NCOA7: variants seen among roughly 807,000 people sequenced by gnomAD.
The protein encoded by NCOA7 is 140 kDa estrogen receptor-associated protein.
Under a neutral mutation model 104.3 loss-of-function variants are expected in NCOA7, and 45 were observed. The ratio of observed to expected loss-of-function variants is 0.43; its 90% confidence interval spans 0.34 to 0.55. The LOEUF (loss-of-function observed/expected upper bound fraction) is 0.55. Ranked by LOEUF, NCOA7 falls within the 20% of genes least tolerant of loss-of-function variation. NCOA7 has a pLI of 0.02. For missense variants in NCOA7, 1,041 were observed against 1,119.7 expected, an observed-to-expected ratio of 0.93 and a Z score of 1.00; for synonymous variants, 398 against 402.3, an observed-to-expected ratio of 0.99 and a Z score of 0.13.
chr6:125,824,899 T>C (rs1778524445), intron 2 of NCOA7, among the ~76,000 whole-genome samples: 1 of 152,052 alleles, frequency 6.6e-6, no homozygotes, highest in Non-Finnish European at 1.5e-5. Flanking sequence ...GCTGGGACTA[T>C]AGGCACCTGC....
At chr6:125,790,840 G>C (rs947820299), upstream of NCOA7, 2 of 152,306 alleles carry the variant, frequency 1.3e-5, no homozygotes, top group Non-Finnish European at 2.9e-5. Flanking sequence ...CCCGACTGCG[G>C]CGGCTGCGCA....
rs1784515420 is a variant in NCOA7, at chr6:125,889,967, A to T, written c.1913A>T (p.Gln638Leu). ...CAGTTGTGGCTGTTAAAGAGAATTC[A>T]GGTACCCATTGAAGGTAAGCTGTTT... ...EVQLWLLKRI[Q>L]VPIEDILPSK... The change falls in exon 9 of 16, where the codon CAG (glutamine) becomes CTG (leucine). Residue 638 changes from glutamine to leucine, a missense_variant. Physicochemically the swap from Gln to Leu is moderately radical, Grantham distance 113. This residue lies in a region of NCOA7 where 914 missense variants were observed against 942.7 expected (regional missense o/e 0.97). Transcript: ENST00000392477. The T allele has an allele frequency of 6.5e-7, 1 of 1,533,500 alleles. No homozygotes were observed. Among genetic ancestry groups the T allele is most frequent in the African/African-American group, 1.4e-5 (1 of 71,990 alleles). 95.0% of individuals were successfully genotyped at this position (1,533,500 alleles called of 1,614,324 possible).
intron 3 of NCOA7, among the ~76,000 whole-genome samples, chr6:125,872,143 T>C (rs1166047675): frequency 6.6e-6 from 1 of 152,204 alleles, no homozygotes; most frequent in East Asian, 1.9e-4. Context: ...TTAGTAATAT[T>C]ACATGCTTGA....
At chr6:125,927,903 C>G (rs1788176693) in intron 14 of NCOA7, 145 bp downstream of exon 14, 1 of 750,052 alleles carries the variant, frequency 1.3e-6, no homozygotes, top group Admixed American at 2.3e-5. Flanking sequence ...CTGTAGCTCG[C>G]AAACTGCTTA....
chr6:125,914,926 A>G (rs1786920213), intron 10 of NCOA7, among the ~76,000 whole-genome samples: 1 of 152,246 alleles, frequency 6.6e-6, no homozygotes, highest in Non-Finnish European at 1.5e-5. Context: ...TTTGATCTAC[A>G]TAAAGACCCG....
Position 125,793,575 on chromosome 6 carries a change from C to G in NCOA7, c.-65+2508C>G, listed in dbSNP as rs540397745. On this transcript the variant is annotated intron_variant, in intron 1 of 15. Coordinates refer to ENST00000392477, the MANE Select transcript of NCOA7 (RefSeq NM_181782.5). The stretch of plus-strand genomic sequence containing the variant: ...TCCTGATCCCCCAGCACTCCGCCCC[C>G]ACAAGCACCACCAGAATGCAATCCA... Among the ~76,000 whole-genome samples the G allele has an allele frequency of 3.1e-4, 47 of 152,294 alleles. No homozygotes were observed. In the East Asian group the frequency reaches 5.8e-3, roughly 19 times the overall value.
intron 7 of NCOA7, among the ~76,000 whole-genome samples, chr6:125,884,599 T>C (rs1784113897): frequency 6.6e-6 from 1 of 152,210 alleles, no homozygotes; most frequent in Non-Finnish European, 1.5e-5. Flanking sequence ...CTATATTCAC[T>C]CTGGCTACAA....
chr6:125,809,692 G>A (rs1159827870), intron 1 of NCOA7, among the ~76,000 whole-genome samples: 1 of 152,180 alleles, frequency 6.6e-6, no homozygotes, highest in East Asian at 1.9e-4. Flanking sequence ...GGAAATGCCT[G>A]CATAGAAAGG....
At chr6:125,856,070 T>C (rs1209337102) in intron 3 of NCOA7, among the ~76,000 whole-genome samples, 1 of 152,152 alleles carries the variant, frequency 6.6e-6, no homozygotes, top group East Asian at 1.9e-4. Context: ...TTCTATCACA[T>C]GCATACATGG....
At chr6:125,849,672 A>G (rs915306417) in intron 2 of NCOA7, among the ~76,000 whole-genome samples, 5 of 152,244 alleles carry the variant, frequency 3.3e-5, no homozygotes, top group African/African-American at 7.2e-5. Context: ...GAGATTATGA[A>G]GAGAAGGTAA....
chr6:125,915,124 A>T (rs1786939697), intron 10 of NCOA7, among the ~76,000 whole-genome samples: 2 of 152,206 alleles, frequency 1.3e-5, no homozygotes, highest in Admixed American at 1.3e-4. Flanking sequence ...CAGTTTTAAC[A>T]GTTTCGCAGT....
chr6:125,893,930 C>T (rs1490325994), intron 10 of NCOA7, among the ~76,000 whole-genome samples: 2 of 152,170 alleles, frequency 1.3e-5, no homozygotes, highest in Admixed American at 6.5e-5. Context: ...GTCTCCAGTG[C>T]AGCTTGCAAA....
At chr6:125,875,001 T>A (rs1294223666) in intron 4 of NCOA7, 33 bp downstream of exon 4, 2 of 1,455,086 alleles carry the variant, frequency 1.4e-6, no homozygotes, top group East Asian at 4.5e-5. Context: ...AAATGTTTGT[T>A]AATAGCACTA....
At chr6:125,916,838 T>C (rs1787129696) in intron 11 of NCOA7, among the ~76,000 whole-genome samples, 1 of 152,244 alleles carries the variant, frequency 6.6e-6, no homozygotes, top group Non-Finnish European at 1.5e-5. Flanking sequence ...TCTGTGTCCA[T>C]GTATAAGTGG....
intron 1 of NCOA7, among the ~76,000 whole-genome samples, chr6:125,783,302 C>T (rs1164743382): frequency 6.6e-6 from 1 of 152,182 alleles, no homozygotes; most frequent in East Asian, 1.9e-4. Flanking sequence ...TTGGAAAAAG[C>T]AAATATCAAT....
intron 3 of NCOA7, among the ~76,000 whole-genome samples, chr6:125,870,621 A>G (rs1408927473): frequency 2.0e-5 from 3 of 152,144 alleles, no homozygotes; most frequent in Admixed American, 2.0e-4. Flanking sequence ...ACTACAAGGG[A>G]TATCTTCACA....
intron 1 of NCOA7, among the ~76,000 whole-genome samples, chr6:125,791,521 T>G (rs1465903335): frequency 6.6e-6 from 1 of 152,180 alleles, no homozygotes; most frequent in South Asian, 2.1e-4. Context: ...TCGCTGTGGA[T>G]TTTTGTGTAT....
At chr6:125,876,601 TA>T (rs202233696) in intron 4 of NCOA7, among the ~76,000 whole-genome samples, 9,615 of 129,476 alleles carry the variant, frequency 0.074, 379 homozygotes, top group Non-Finnish European at 0.11. Context: ...GTAGTGACAG[TA>T]AAAAAAAAAA....
chr6:125,790,418 C>T (rs1022405198), upstream of NCOA7, among the ~76,000 whole-genome samples: 1 of 152,226 alleles, frequency 6.6e-6, no homozygotes, highest in Non-Finnish European at 1.5e-5. Context: ...TTCGCTGGGG[C>T]AGCAAGGCGC....
Sources: allele counts gnomAD v4.1 joint callset (sites outside exome capture counted in the v4.1 genomes callset), GRCh38; gene constraint gnomAD v4.1.1; regional missense constraint gnomAD v4.1.1; transcripts MANE v1.5; gene names NCBI Gene and HGNC (gene_info 2026-07-23, HGNC 2026-07-21).